AKAP12: variants seen among roughly 807,000 people sequenced by gnomAD.
AKAP12 encodes the protein A-kinase anchor protein 12.
AKAP12 carries 32 observed loss-of-function variants against 79.9 expected under a neutral mutation model. That is an observed-to-expected ratio of 0.40 (90% CI 0.30 to 0.54). The LOEUF is 0.54. Among genes scored for constraint, AKAP12 ranks in the 20% least tolerant of loss-of-function variants. The pLI is 0.48. For missense variants in AKAP12, 2,074 were observed against 2,177.0 expected (o/e 0.95, Z 0.94); for synonymous variants, 808 against 857.0 (o/e 0.94, Z 1.00).
At chr6:151,247,369 A>G (rs1797095207) in intron 2 of AKAP12, among the ~76,000 whole-genome samples, 1 of 152,106 alleles carries the variant, frequency 6.6e-6, no homozygotes, top group Admixed American at 6.5e-5. Flanking sequence ...CTACTGCACT[A>G]CAGCCTGGGT....
chr6:151,265,232 A>G (rs1049060330), intron 2 of AKAP12, among the ~76,000 whole-genome samples: 2 of 149,880 alleles, frequency 1.3e-5, no homozygotes, highest in African/African-American at 4.9e-5. Flanking sequence ...TTTTTTTGCA[A>G]TAGCTTTACT....
At chr6:151,272,351 A>AAC (rs1554321878) in intron 2 of AKAP12, among the ~76,000 whole-genome samples, 7 of 151,242 alleles carry the variant, frequency 4.6e-5, no homozygotes, top group Non-Finnish European at 5.9e-5. Context: ...TTTCAAAAAA[A>AAC]AAAAAAAACA....
At chr6:151,306,736 G>C (rs1228446050) in intron 3 of AKAP12, among the ~76,000 whole-genome samples, 1 of 152,184 alleles carries the variant, frequency 6.6e-6, no homozygotes, top group Non-Finnish European at 1.5e-5. Flanking sequence ...CCCCCACAGA[G>C]CTGCTTCAAG....
intron 2 of AKAP12, among the ~76,000 whole-genome samples, chr6:151,269,694 A>G (rs1401912543): frequency 2.6e-5 from 4 of 152,238 alleles, no homozygotes; most frequent in African/African-American, 7.2e-5. Context: ...CTGGAAAAGT[A>G]TTAATTCTTC....
chr6:151,353,407 A>G lies in AKAP12; in HGVS notation c.5016A>G (p.Thr1672=). Residue 1672 remains threonine (T), a synonymous_variant, in exon 4 of 5, where the codon ACA becomes ACG. Coordinates refer to ENST00000402676, the MANE Select transcript of AKAP12 (RefSeq NM_005100.4). ...AGGAAGAGGGAGGTGGAGCTGGAAC[A>G]AAGTCTGTGCCAGAAGATGATGGTC... ...PSEEEGGGAG[T]KSVPEDDGHA... The G allele has an allele frequency of 8.1e-6, 13 of 1,614,232 alleles. No individual in the cohort carries two copies. The highest frequency in any genetic ancestry group is 8.5e-6 in the Non-Finnish European group (10 of 1,180,040).
At chr6:151,241,927 T>C (rs1375016134) in intron 2 of AKAP12, among the ~76,000 whole-genome samples, 1 of 151,942 alleles carries the variant, frequency 6.6e-6, no homozygotes, top group Non-Finnish European at 1.5e-5. Flanking sequence ...GTTAATAATA[T>C]AGTTTTTACC....
At chr6:151,247,892 G>A (rs1797107262) in intron 2 of AKAP12, among the ~76,000 whole-genome samples, 1 of 152,136 alleles carries the variant, frequency 6.6e-6, no homozygotes, top group Non-Finnish European at 1.5e-5. Context: ...CTTAATACAA[G>A]TATTCATTTC....
chr6:151,295,973 C>T (rs112991116), intron 2 of AKAP12, among the ~76,000 whole-genome samples: 38 of 152,272 alleles, frequency 2.5e-4, no homozygotes, highest in African/African-American at 8.9e-4. Context: ...TGTCACCAAG[C>T]AGTAAGGGAA....
chr6:151,353,180 G>A lies in AKAP12; in HGVS notation c.4789G>A (p.Glu1597Lys), dbSNP rs763075557. Residue 1597 changes from glutamate (E) to lysine (K), a missense_variant, in exon 4 of 5, where the codon GAA becomes AAA. Physicochemically the swap from Glu to Lys is moderately conservative, Grantham distance 56. Coordinates refer to ENST00000402676, the MANE Select transcript of AKAP12 (RefSeq NM_005100.4). ...GGACGCTGGACAGGAAACGGAGAAAGAAGGAGAGGAACCTCAGGCCTCTGC... is the reference window on the plus strand; with the variant it reads ...GGACGCTGGACAGGAAACGGAGAAAAAAGGAGAGGAACCTCAGGCCTCTGC... ...SQDAGQETEK[E>K]GEEPQASAQD... 4.2e-5 allele frequency: 68 copies of A among 1,612,334 alleles called. No homozygotes were observed. The highest frequency in any genetic ancestry group is 5.6e-5 in the Non-Finnish European group (66 of 1,180,012).
intron 2 of AKAP12, among the ~76,000 whole-genome samples, chr6:151,287,166 C>T (rs1031915878): frequency 3.3e-5 from 5 of 152,134 alleles, no homozygotes; most frequent in African/African-American, 1.2e-4. Context: ...GTCTCGATCT[C>T]CTGACCTTGT....
rs5880925 is a variant in AKAP12, at chr6:151,329,123, C to CTT, written c.320-19580_320-19579dup. 5.1e-3 allele frequency among the ~76,000 whole-genome samples: 773 copies of CTT among 150,806 alleles called. 6 individuals are homozygous for CTT. Among genetic ancestry groups the CTT allele is most frequent in the African/African-American group, 0.016 (648 of 40,940 alleles). On this transcript the variant is annotated intron_variant, in intron 3 of 4. Transcript: ENST00000402676. ...AAATGGCGTGCCAGCATAAAAATGC[C>CTT]TTTTTTTTTGAGATGAAGTCTCACT...
At position 151,351,794 on chromosome 6, in the gene AKAP12, C is replaced by G; in HGVS notation, c.3403C>G (p.Leu1135Val). 6.2e-7 allele frequency: 1 copy of G among 1,614,084 alleles called. No individual in the cohort carries two copies. Among genetic ancestry groups the G allele is most frequent in the Non-Finnish European group, 8.5e-7 (1 of 1,180,020 alleles). ...QVTESIESSE[L>V]VTTCQAETLA... is the part of the protein sequence containing the mutation. ...CACAGAGAGCATAGAGTCCAGTGAG[C>G]TTGTAACCACTTGTCAAGCCGAAAC... is the stretch of plus-strand genomic sequence containing the variant. The change falls in exon 4 of 5, where the codon CTT (leucine) becomes GTT (valine). Residue 1135 changes from leucine to valine, a missense_variant. This residue lies in a region of AKAP12 where 1,428 missense variants were observed against 1,451.0 expected (regional missense o/e 0.98). Transcript: ENST00000402676. The surrounding 1 kb of genome is among the most constrained non-coding windows in gnomAD (Gnocchi z 4.4).
intron 2 of AKAP12, among the ~76,000 whole-genome samples, chr6:151,291,182 G>C (rs566170538): frequency 6.6e-6 from 1 of 152,220 alleles, no homozygotes; most frequent in South Asian, 2.1e-4. Context: ...GAATCACCTG[G>C]GGGAGCCTTG....
intron 3 of AKAP12, among the ~76,000 whole-genome samples, chr6:151,312,812 G>C (rs200749326): frequency 4.7e-5 from 4 of 85,172 alleles, no homozygotes; most frequent in African/African-American, 1.1e-4. Flanking sequence ...AAAAAAAAAA[G>C]AATCATGAGG....
Position 151,353,418 on chromosome 6 carries a change from CAGA to C in AKAP12, c.5031_5033del (p.Glu1677del). Reference sequence around the variant, plus strand: ...GGTGGAGCTGGAACAAAGTCTGTGCCAGAAGATGATGGTCATGCCTTGTTAGCA... The same window carrying C: ...GGTGGAGCTGGAACAAAGTCTGTGCCAGATGATGGTCATGCCTTGTTAGCA... On this transcript the variant is annotated inframe_deletion, in exon 4 of 5. Transcript: ENST00000402676. 1 of 1,614,086 alleles carries C rather than the reference CAGA, an allele frequency of 6.2e-7. No homozygotes were observed.
At chr6:151,245,223 A>T (rs1342433659) in intron 2 of AKAP12, among the ~76,000 whole-genome samples, 1 of 152,042 alleles carries the variant, frequency 6.6e-6, no homozygotes, top group Non-Finnish European at 1.5e-5. Flanking sequence ...CATCTCTATA[A>T]TTCTATATGC....
chr6:151,300,787 G>A (rs1776849621), intron 2 of AKAP12, among the ~76,000 whole-genome samples: 1 of 151,932 alleles, frequency 6.6e-6, no homozygotes, highest in East Asian at 1.9e-4. Context: ...AACTCTGGCT[G>A]ACCCACTCAA....
rs371847077 is a variant in AKAP12 at position 151,323,293 on chromosome 6, G to A, written c.319+17390G>A. ...AGGCCGGACGCAGTGGCTCATGCCT[G>A]TAGTCCCAGCGCTTTGGGAGGCCGA... On this transcript the variant is annotated intron_variant, in intron 3 of 4. Transcript: ENST00000402676. Among the ~76,000 whole-genome samples, 77 of 152,328 alleles carry A rather than the reference G, an allele frequency of 5.1e-4. 1 individual carries two copies. The highest frequency in any genetic ancestry group is 1.6e-3 in the African/African-American group (68 of 41,584).
intron 3 of AKAP12, among the ~76,000 whole-genome samples, chr6:151,338,407 C>T (rs1044950270): frequency 1.3e-5 from 2 of 151,316 alleles, no homozygotes; most frequent in Non-Finnish European, 2.9e-5. Context: ...TCTACTCATT[C>T]CTTATTTGAT....
Sources: allele counts gnomAD v4.1 joint callset (sites outside exome capture counted in the v4.1 genomes callset), GRCh38; gene constraint gnomAD v4.1.1; regional missense constraint gnomAD v4.1.1; non-coding constraint Gnocchi (gnomAD v3.1); transcripts MANE v1.5; gene names NCBI Gene and HGNC (gene_info 2026-07-23, HGNC 2026-07-21).